CD59: variants seen among roughly 807,000 people sequenced by gnomAD.
CD59 encodes CD59 glycoprotein.
In CD59, 3 loss-of-function variants were observed where a neutral mutation model predicts 7.0. The ratio of observed to expected loss-of-function variants is 0.43; its 90% CI spans 0.19 to 1.10. The LOEUF (loss-of-function observed/expected upper bound fraction) is 1.10. Among genes scored for constraint, CD59 ranks in the 50% least tolerant of loss-of-function variants. The pLI is 0.29. For missense variants in CD59, 143 were observed against 151.0 expected (o/e 0.95, Z 0.28); for synonymous variants, 60 against 62.0 (o/e 0.97, Z 0.15).
chr11:33,724,144 G>T (rs950701954), intron 1 of CD59, among the ~76,000 whole-genome samples: 2 of 152,248 alleles, frequency 1.3e-5, no homozygotes, highest in Admixed American at 6.5e-5. Context: ...TAGCTACAAT[G>T]TCAGGCATCC....
chr11:33,729,428 AAC>A (rs1032590186), intron 1 of CD59, among the ~76,000 whole-genome samples: 53 of 152,272 alleles, frequency 3.5e-4, no homozygotes, highest in African/African-American at 1.3e-3. Flanking sequence ...GAGAAAACCA[AAC>A]ACCACATGTT....
At chr11:33,729,278 T>A (rs1041508803) in intron 1 of CD59, among the ~76,000 whole-genome samples, 3 of 152,216 alleles carry the variant, frequency 2.0e-5, no homozygotes, top group African/African-American at 7.2e-5. Context: ...AATGATAGAC[T>A]GGATAAAGAA....
At chr11:33,725,792 A>T (rs933617787) in intron 1 of CD59, among the ~76,000 whole-genome samples, 3 of 152,218 alleles carry the variant, frequency 2.0e-5, no homozygotes, top group African/African-American at 7.2e-5. Context: ...GGAACCGCAT[A>T]GCCAGGAAAA....
chr11:33,732,591 C>T (rs754160776), intron 1 of CD59, among the ~76,000 whole-genome samples: 47 of 152,174 alleles, frequency 3.1e-4, no homozygotes, highest in Admixed American at 7.2e-4. Context: ...CACCTTGTTC[C>T]TGTGTTAACT....
chr11:33,711,870 AG>A (rs753484531), intron 3 of CD59, among the ~76,000 whole-genome samples: 4 of 152,252 alleles, frequency 2.6e-5, no homozygotes, highest in Non-Finnish European at 4.4e-5. Context: ...AAATGTTGCA[AG>A]GAAGTGGAAA....
chr11:33,733,673 G>A (rs1247112921), intron 1 of CD59: 2 of 152,144 alleles, frequency 1.3e-5, no homozygotes, highest in Non-Finnish European at 2.9e-5. Flanking sequence ...ACTGGAAACT[G>A]GTAGAACAGC....
chr11:33,710,661 C>T (rs1853505164), intron 3 of CD59, among the ~76,000 whole-genome samples: 1 of 151,970 alleles, frequency 6.6e-6, no homozygotes, highest in Non-Finnish European at 1.5e-5. Flanking sequence ...CCCTTTGATC[C>T]AGCAATTCCA....
chr11:33,710,085 G>C lies in CD59; in HGVS notation c.*41C>G, dbSNP rs778770889. On this transcript the variant is annotated 3_prime_UTR_variant, in exon 4 of 4. Transcript: ENST00000642928. Reference sequence around the variant, plus strand: ...GTGGCAGCAAGAGAAAGCGGACTACGCAGGAACGGGGAGTTTGGGAGAAGC... The same window carrying C: ...GTGGCAGCAAGAGAAAGCGGACTACCCAGGAACGGGGAGTTTGGGAGAAGC... The C allele has an allele frequency of 1.6e-5, 23 of 1,425,416 alleles. No individual in the cohort carries two copies. Among genetic ancestry groups the C allele is most frequent in the Non-Finnish European group, 2.9e-6 (3 of 1,017,624 alleles). 88.3% of individuals were successfully genotyped at this position (1,425,416 alleles called of 1,614,324 possible).
chr11:33,732,483 T>A (rs1854448620), intron 1 of CD59, among the ~76,000 whole-genome samples: 1 of 152,202 alleles, frequency 6.6e-6, no homozygotes, highest in Non-Finnish European at 1.5e-5. Context: ...AGCAGAAGCC[T>A]ATACAGCCCA....
At chr11:33,715,073 G>A (rs888964201) in intron 3 of CD59, among the ~76,000 whole-genome samples, 5 of 151,678 alleles carry the variant, frequency 3.3e-5, no homozygotes, top group South Asian at 2.1e-4. Context: ...CCTCCCGAGA[G>A]GCTGTTTTAT....
intron 1 of CD59, among the ~76,000 whole-genome samples, chr11:33,726,734 C>T (rs1224152845): frequency 6.6e-6 from 1 of 152,072 alleles, no homozygotes; most frequent in African/African-American, 2.4e-5. Context: ...TCAATGAATC[C>T]AGGAGCTGGT....
At chr11:33,734,024 T>A (rs142291423) in intron 1 of CD59, among the ~76,000 whole-genome samples, 1 of 152,386 alleles carries the variant, frequency 6.6e-6, no homozygotes, top group Non-Finnish European at 1.5e-5. Flanking sequence ...CCACCCTGGA[T>A]GGATCTTGTT....
At position 33,728,572 on chromosome 11, in the gene CD59, A is replaced by G. The variant is rs565742204; in HGVS notation, c.-18-6109T>C. Among the ~76,000 whole-genome samples the G allele has an allele frequency of 7.5e-4, 114 of 152,354 alleles. 1 individual carries two copies. Among genetic ancestry groups the G allele is most frequent in the African/African-American group, 2.7e-3 (112 of 41,584 alleles). ...AGACCTAAAACCATAAAAACCCTAG[A>G]AGAAAACCTAGGCAATACCATTCAG... On this transcript the variant is annotated intron_variant, in intron 1 of 3. Coordinates refer to ENST00000642928, the MANE Select transcript of CD59 (RefSeq NM_000611.6).
intron 3 of CD59, 62 bp downstream of exon 3, chr11:33,717,308 A>AT (rs889025759): frequency 7.6e-6 from 8 of 1,058,632 alleles, no homozygotes; most frequent in African/African-American, 6.3e-5. Context: ...CAGTGGCACA[A>AT]TTTTTTTCCC....
chr11:33,722,305 C>T, intron 2 of CD59, 74 bp downstream of exon 2: 1 of 1,115,654 alleles, frequency 9.0e-7, no homozygotes, highest in Non-Finnish European at 1.4e-6. Flanking sequence ...GCAGCTGGGG[C>T]TGAAACTGAG....
At chr11:33,729,992 A>G (rs1363287791) in intron 1 of CD59, among the ~76,000 whole-genome samples, 1 of 152,146 alleles carries the variant, frequency 6.6e-6, no homozygotes, top group East Asian at 1.9e-4. Context: ...TTTGCAATTG[A>G]AAAAACTGTT....
intron 1 of CD59, among the ~76,000 whole-genome samples, chr11:33,724,622 G>T (rs1854198049): frequency 6.6e-6 from 1 of 152,116 alleles, no homozygotes; most frequent in Non-Finnish European, 1.5e-5. Context: ...GGAGTGTTGG[G>T]GGGTGAACGG....
At chr11:33,727,860 T>A (rs2133568198) in intron 1 of CD59, among the ~76,000 whole-genome samples, 2 of 152,246 alleles carry the variant, frequency 1.3e-5, no homozygotes, top group African/African-American at 4.8e-5. Context: ...ATCACAAGCA[T>A]TCCTATACAC....
At chr11:33,731,971 A>C (rs998437391) in intron 1 of CD59, among the ~76,000 whole-genome samples, 4 of 150,490 alleles carry the variant, frequency 2.7e-5, no homozygotes, top group Non-Finnish European at 5.9e-5. Context: ...GGTTTCCCCC[A>C]TACTGTTCTT....
Sources: gnomAD v4.1 joint callset for allele counts (sites outside exome capture counted in the v4.1 genomes callset) on GRCh38, gnomAD v4.1.1 for gene constraint, MANE v1.5 for transcripts, NCBI Gene and HGNC (gene_info 2026-07-23, HGNC 2026-07-21) for gene names.